NOS1AP: variants seen among roughly 807,000 people sequenced by gnomAD.
The protein encoded by NOS1AP is nitric oxide synthase 1 adaptor protein, also known as carboxyl-terminal PDZ ligand of neuronal nitric oxide synthase protein.
In NOS1AP, 21 loss-of-function variants were observed where a neutral mutation model predicts 56.2. The ratio of observed to expected loss-of-function variants is 0.37; its 90% confidence interval spans 0.26 to 0.54. The LOEUF (loss-of-function observed/expected upper bound fraction) is 0.54. Ranked by LOEUF, NOS1AP falls within the 20% of genes least tolerant of loss-of-function variation. The pLI is 0.84. For missense variants in NOS1AP, 522 were observed against 657.8 expected (o/e 0.79, Z 2.26); for synonymous variants, 270 against 274.6 (o/e 0.98, Z 0.17).
chr1:162,294,411 A>G (rs1655384244), intron 3 of NOS1AP, among the ~76,000 whole-genome samples: 1 of 152,156 alleles, frequency 6.6e-6, no homozygotes, highest in South Asian at 2.1e-4. Context: ...TGTGGAAAGC[A>G]TAACTCCTGA....
intron 2 of NOS1AP, among the ~76,000 whole-genome samples, chr1:162,218,988 C>T (rs749516128): frequency 3.3e-5 from 5 of 152,142 alleles, no homozygotes; most frequent in African/African-American, 4.8e-5. Context: ...CATTCACCAC[C>T]GAGCCCAGGT....
At chr1:162,318,615 G>C (rs181718753) in intron 4 of NOS1AP, among the ~76,000 whole-genome samples, 1 of 151,930 alleles carries the variant, frequency 6.6e-6, no homozygotes, top group African/African-American at 2.4e-5. Flanking sequence ...AATGGGTACT[G>C]TTAGTGGGAT....
At chr1:162,322,949 G>T (rs1054873019) in intron 4 of NOS1AP, among the ~76,000 whole-genome samples, 11 of 152,242 alleles carry the variant, frequency 7.2e-5, no homozygotes, top group African/African-American at 2.7e-4. Context: ...ACTTGGTGAA[G>T]ATTGCTAGGG....
chr1:162,186,711 A>C (rs1306867627), intron 2 of NOS1AP, among the ~76,000 whole-genome samples: 5 of 152,210 alleles, frequency 3.3e-5, no homozygotes, highest in Non-Finnish European at 7.3e-5. Context: ...GCAAACCAAG[A>C]AGCAGGCCCT....
chr1:162,316,106 T>G (rs1375799895), intron 4 of NOS1AP, among the ~76,000 whole-genome samples: 2 of 152,210 alleles, frequency 1.3e-5, no homozygotes, highest in Non-Finnish European at 2.9e-5. Context: ...AGTGGATGAA[T>G]GAATGAACGA....
intron 1 of NOS1AP, among the ~76,000 whole-genome samples, chr1:162,118,162 A>G (rs1446008320): frequency 6.6e-6 from 1 of 152,216 alleles, no homozygotes; most frequent in Non-Finnish European, 1.5e-5. Context: ...GGTATATTGC[A>G]TGACATTGAG....
chr1:162,072,351 G>T (rs1319304627), intron 1 of NOS1AP, among the ~76,000 whole-genome samples: 1 of 152,132 alleles, frequency 6.6e-6, no homozygotes, highest in Non-Finnish European at 1.5e-5. Flanking sequence ...GGGCTTGAGG[G>T]TTGCCTCCAA....
intron 2 of NOS1AP, among the ~76,000 whole-genome samples, chr1:162,283,065 T>C (rs904346875): frequency 6.0e-5 from 9 of 149,924 alleles, no homozygotes; most frequent in African/African-American, 2.2e-4. Flanking sequence ...GTTTTCTCTC[T>C]CTCTCTTTAT....
At chr1:162,147,331 CAAAAAAAAAAAAAA>C (rs572205161) in intron 1 of NOS1AP, among the ~76,000 whole-genome samples, 1 of 74,860 alleles carries the variant, frequency 1.3e-5, no homozygotes, top group Non-Finnish European at 2.9e-5. Flanking sequence ...GACTCCGTCT[CAAAAAAAAAAAAAA>C]AAAAAAAAGA....
At chr1:162,084,873 C>T (rs1367827874) in intron 1 of NOS1AP, among the ~76,000 whole-genome samples, 1 of 152,024 alleles carries the variant, frequency 6.6e-6, no homozygotes, top group East Asian at 1.9e-4. Flanking sequence ...CCATGTTGCT[C>T]AGGCTGGTCT....
chr1:162,100,181 A>C (rs980111938), intron 1 of NOS1AP, among the ~76,000 whole-genome samples: 10 of 152,184 alleles, frequency 6.6e-5, no homozygotes, highest in Non-Finnish European at 1.5e-4. Flanking sequence ...TGGTATTTCT[A>C]GTTCCAGATC....
chr1:162,358,559 G>GA lies in NOS1AP; in HGVS notation c.939+1431dup, dbSNP rs931318331. 3.3e-5 allele frequency among the ~76,000 whole-genome samples: 5 copies of GA among 151,908 alleles called. No homozygotes were observed. The East Asian group carries it at 7.7e-4, about 24-fold the overall frequency. On this transcript the variant is annotated intron_variant, in intron 8 of 9. Coordinates refer to ENST00000361897, the MANE Select transcript of NOS1AP (RefSeq NM_014697.3). Reference sequence around the variant, plus strand: ...TCATTAATGGCTTCTTATATTTGGAGAAAAAAAATCATTTCTCTTTGTCAA... The same window carrying GA: ...TCATTAATGGCTTCTTATATTTGGAGAAAAAAAAATCATTTCTCTTTGTCAA...
At chr1:162,249,949 A>G (rs6677052) in intron 2 of NOS1AP, among the ~76,000 whole-genome samples, 26,504 of 152,134 alleles carry the variant, frequency 0.17, 2,384 homozygotes, top group East Asian at 0.26. Context: ...AAGACTTTGT[A>G]GGTTGAAGAG....
intron 4 of NOS1AP, among the ~76,000 whole-genome samples, chr1:162,320,856 AAAAT>A (rs985564679): frequency 2.0e-5 from 3 of 152,182 alleles, no homozygotes; most frequent in East Asian, 1.9e-4. Flanking sequence ...CCATCTCAAA[AAAAT>A]AAATAAATAA....
At chr1:162,154,169 C>A (rs979630142) in intron 1 of NOS1AP, among the ~76,000 whole-genome samples, 1 of 152,096 alleles carries the variant, frequency 6.6e-6, no homozygotes, top group Admixed American at 6.5e-5. Flanking sequence ...CTTGGTTAGA[C>A]ACAGTTCTCT....
chr1:162,094,983 C>T (rs1407568468), intron 1 of NOS1AP, among the ~76,000 whole-genome samples: 1 of 152,174 alleles, frequency 6.6e-6, no homozygotes, highest in Admixed American at 6.5e-5. Context: ...TAAGTCCACT[C>T]ACACTCCACT....
intron 2 of NOS1AP, among the ~76,000 whole-genome samples, chr1:162,198,602 T>G (rs1651882265): frequency 6.6e-6 from 1 of 152,192 alleles, no homozygotes; most frequent in African/African-American, 2.4e-5. Flanking sequence ...GCTTTGGAAA[T>G]GGGTACATCT....
intron 2 of NOS1AP, among the ~76,000 whole-genome samples, chr1:162,237,566 C>T (rs1363242221): frequency 6.6e-6 from 1 of 152,172 alleles, no homozygotes; most frequent in African/African-American, 2.4e-5. Flanking sequence ...CTTTAACACA[C>T]CTATGATTTT....
intron 4 of NOS1AP, among the ~76,000 whole-genome samples, chr1:162,314,120 C>T (rs941989402): frequency 1.3e-5 from 2 of 152,170 alleles, no homozygotes; most frequent in African/African-American, 4.8e-5. Context: ...GCTGATTTAT[C>T]CTTTTGGTGG....
Sources: allele counts gnomAD v4.1 joint callset (sites outside exome capture counted in the v4.1 genomes callset), GRCh38; gene constraint gnomAD v4.1.1; transcripts MANE v1.5; gene names NCBI Gene and HGNC (gene_info 2026-07-23, HGNC 2026-07-21).